Variants in MRPL30 observed in about 807,000 individuals in gnomAD.
MRPL30 encodes large ribosomal subunit protein uL30m.
MRPL30 carries 10 observed loss-of-function variants against 17.2 expected under a neutral mutation model. The observed-to-expected ratio is 0.58, with a 90% CI of 0.36 to 0.99. MRPL30 has a LOEUF of 0.99. Ranked by LOEUF, MRPL30 falls within the 50% of genes least tolerant of loss-of-function variation. The pLI, the probability that MRPL30 is intolerant of heterozygous loss-of-function variation, is 0.01. For synonymous variants in MRPL30, 61 were observed against 62.1 expected (o/e 0.98, Z 0.08); for missense variants, 170 against 189.8 (o/e 0.90, Z 0.61).
chr2:99,192,478 A>T (rs1191243731), intron 3 of MRPL30, among the ~76,000 whole-genome samples: 1 of 152,194 alleles, frequency 6.6e-6, no homozygotes, highest in Non-Finnish European at 1.5e-5. Flanking sequence ...GAGTGAGAAC[A>T]TGCGGTATTT....
chr2:99,183,216 G>A (rs2093928560), intron 1 of MRPL30, among the ~76,000 whole-genome samples: 1 of 152,144 alleles, frequency 6.6e-6, no homozygotes, highest in African/African-American at 2.4e-5. Flanking sequence ...AATTGGAGAT[G>A]GAGTCCTGGA....
At chr2:99,192,509 G>C (rs2093948442) in intron 3 of MRPL30, among the ~76,000 whole-genome samples, 1 of 152,130 alleles carries the variant, frequency 6.6e-6, no homozygotes, top group Non-Finnish European at 1.5e-5. Context: ...TCCTGTATTA[G>C]TTTGCTGAGG....
intron 4 of MRPL30, 71 bp downstream of exon 4, chr2:99,194,968 G>A (rs756750384): frequency 1.0e-5 from 14 of 1,399,360 alleles, no homozygotes; most frequent in Middle Eastern, 1.8e-4. Context: ...AAAACTTTGC[G>A]GTATACATTT....
Position 99,198,835 on chromosome 2 carries a change from C to T in MRPL30, c.*3130C>T, listed in dbSNP as rs567315969. ...GTTTTGCCTGACATCTGGTGGTGAC[C>T]GTGGCCACCAAGTCAACCCAAACAC... On this transcript the variant is annotated 3_prime_UTR_variant, in exon 6 of 6. Coordinates refer to ENST00000338148, the MANE Select transcript of MRPL30 (RefSeq NM_145212.4). Among the ~76,000 whole-genome samples, 4 of 152,206 alleles carry T rather than the reference C, an allele frequency of 2.6e-5. No homozygotes were observed. The South Asian group carries it at 8.3e-4, about 32-fold the overall frequency.
chr2:99,185,587 C>T (rs540023372), intron 1 of MRPL30, among the ~76,000 whole-genome samples: 15 of 152,158 alleles, frequency 9.9e-5, no homozygotes, highest in Non-Finnish European at 2.2e-4. Context: ...AGAAGCAATG[C>T]GTGTGCATTG....
At chr2:99,183,343 C>T (rs1039253284) in intron 1 of MRPL30, among the ~76,000 whole-genome samples, 11 of 152,030 alleles carry the variant, frequency 7.2e-5, no homozygotes, top group Non-Finnish European at 1.5e-4. Context: ...CCCAGGCGGG[C>T]GGATCACCTG....
chr2:99,187,114 G>C (rs2093935264), intron 2 of MRPL30: 1 of 152,264 alleles, frequency 6.6e-6, no homozygotes, highest in South Asian at 2.1e-4. Flanking sequence ...CCCTCTGAGA[G>C]AGTAAGTGTC....
chr2:99,194,036 T>TGA (rs1319723951), intron 3 of MRPL30, among the ~76,000 whole-genome samples: 1 of 46,560 alleles, frequency 2.1e-5, no homozygotes, highest in African/African-American at 6.3e-5. Context: ...AGACTCCATC[T>TGA]CAAAAAAAAA....
chr2:99,198,368 C>G lies in MRPL30; in HGVS notation c.*2663C>G, dbSNP rs2093958437. Among the ~76,000 whole-genome samples the G allele has an allele frequency of 6.6e-6, 1 of 152,214 alleles. No homozygotes were observed. The highest frequency in any genetic ancestry group is 1.5e-5 in the Non-Finnish European group (1 of 68,040). ...CTCCCAAGCACTCTCAGGTTGTTGG[C>G]AGAATTTGTTTCCTTATGGCTGTAG... On this transcript the variant is annotated 3_prime_UTR_variant, in exon 6 of 6. Coordinates refer to ENST00000338148, the MANE Select transcript of MRPL30 (RefSeq NM_145212.4).
intron 5 of MRPL30, 118 bp from the exon 6 acceptor site, chr2:99,195,455 C>G: frequency 8.2e-7 from 1 of 1,214,072 alleles, no homozygotes; most frequent in South Asian, 1.5e-5. Context: ...TGGGAACATT[C>G]AACATCCTCC....
At chr2:99,192,429 C>T (rs562960666) in intron 3 of MRPL30, among the ~76,000 whole-genome samples, 9 of 152,108 alleles carry the variant, frequency 5.9e-5, no homozygotes, top group Non-Finnish European at 1.2e-4. Flanking sequence ...CCTTTGCCCC[C>T]GACTCCCCGT....
rs1574841849 is a variant in MRPL30 at position 99,182,045 on chromosome 2, C to T, written c.-28+796C>T. On this transcript the variant is annotated intron_variant, in intron 1 of 5. Coordinates refer to ENST00000338148, the MANE Select transcript of MRPL30 (RefSeq NM_145212.4). ...GGGGGGAGAAGGGGGAGGAAAAACG[C>T]CTTTTTTCATACCCCCAGGGGTATG... 2.0e-5 allele frequency among the ~76,000 whole-genome samples: 3 copies of T among 151,992 alleles called. No individual in the cohort carries two copies. The East Asian group carries it at 5.8e-4, about 29-fold the overall frequency.
Position 99,195,486 on chromosome 2 carries a change from G to A in MRPL30, c.354-87G>A, listed in dbSNP as rs2093953581. 2.1e-6 allele frequency: 3 copies of A among 1,399,670 alleles called. No individual in the cohort carries two copies. The South Asian group carries it at 4.2e-5, about 19-fold the overall frequency. 86.7% of individuals were successfully genotyped at this position (1,399,670 alleles called of 1,614,324 possible). A position where few individuals can be genotyped will look rare whatever the true frequency, so the allele number is the denominator to read the frequency against. On this transcript the variant is annotated intron_variant, in intron 5 of 5. Coordinates refer to ENST00000338148, the MANE Select transcript of MRPL30 (RefSeq NM_145212.4). ...CCTCCTCCTAGCTATTTGAAACTAT[G>A]TGTTATTGTTAACTGTAGTTATCCT...
chr2:99,195,608 C>G lies in MRPL30; in HGVS notation c.389C>G (p.Ala130Gly), dbSNP rs1446227275. 1 of 1,610,634 alleles carries G rather than the reference C, an allele frequency of 6.2e-7. No homozygotes were observed. The highest frequency in any genetic ancestry group is 1.1e-5 in the South Asian group (1 of 90,234). The change falls in exon 6 of 6, where the codon GCA becomes GGA. Residue 130 changes from alanine to glycine, a missense_variant. Physicochemically the swap from Ala to Gly is moderately conservative, Grantham distance 60. Transcript: ENST00000338148. ...KPLKLPQGLP[A>G]EENMSNTCLK... is the part of the protein sequence containing the mutation. ...TTGAAGTTGCCACAAGGACTTCCAG[C>G]AGAGGAGAACATGTCTAACACGTGC...
chr2:99,191,683 G>T (rs1049701519), intron 3 of MRPL30, among the ~76,000 whole-genome samples: 1 of 152,046 alleles, frequency 6.6e-6, no homozygotes, highest in Non-Finnish European at 1.5e-5. Flanking sequence ...CCTTGTATCA[G>T]TCTCTATCCC....
chr2:99,185,177 T>C (rs1269964925), intron 1 of MRPL30, among the ~76,000 whole-genome samples: 1 of 151,754 alleles, frequency 6.6e-6, no homozygotes, highest in Admixed American at 6.6e-5. Context: ...CCTGATGATC[T>C]GAGGTGAACA....
At chr2:99,183,476 G>A (rs566038984) in intron 1 of MRPL30, among the ~76,000 whole-genome samples, 1 of 152,040 alleles carries the variant, frequency 6.6e-6, no homozygotes, top group Non-Finnish European at 1.5e-5. Context: ...GGCTGAGGCA[G>A]GATAATCGGT....
In MRPL30 at chr2:99,197,120, CAG is replaced by C. The variant is rs2093956303; in HGVS notation, c.*1416_*1417del. On this transcript the variant is annotated 3_prime_UTR_variant, in exon 6 of 6. Coordinates refer to ENST00000338148, the MANE Select transcript of MRPL30 (RefSeq NM_145212.4). ...AAAGAAGAAGGAGGCGGAAATCTCT[CAG>C]GGAGAATTATTTCCTTTCTTTTCTA... The C allele has an allele frequency of 6.6e-6, 1 of 152,112 alleles. No homozygotes were observed. The highest frequency in any genetic ancestry group is 6.5e-5 in the Admixed American group (1 of 15,274). The allele number at this position is 152,112 out of a possible 1,614,324, so 9.4% of individuals were successfully genotyped here.
Position 99,195,798 on chromosome 2 carries a change from T to A in MRPL30, c.*93T>A. On this transcript the variant is annotated 3_prime_UTR_variant, in exon 6 of 6. Coordinates refer to ENST00000338148, the MANE Select transcript of MRPL30 (RefSeq NM_145212.4). ...ATTAAAATATGTTTTCAAAACCATT[T>A]TCAGGCCGGGCACGGTGGCTCACCT... 6.3e-7 allele frequency: 1 copy of A among 1,577,324 alleles called. No homozygotes were observed. The highest frequency in any genetic ancestry group is 1.4e-5 in the African/African-American group (1 of 73,284).
Sources: allele counts gnomAD v4.1 joint callset (sites outside exome capture counted in the v4.1 genomes callset), GRCh38; gene constraint gnomAD v4.1.1; transcripts MANE v1.5; gene names NCBI Gene and HGNC (gene_info 2026-07-23, HGNC 2026-07-21).